The following PCDHA11 variants were observed in gnomAD, a reference collection of about 807,000 sequenced individuals.
PCDHA11 encodes the protein protocadherin alpha-11.
A neutral mutation model predicts 70.3 loss-of-function variants in PCDHA11; 61 were observed. The observed-to-expected ratio is 0.87, with a 90% confidence interval of 0.71 to 1.07. The LOEUF is 1.07. Among genes scored for constraint, PCDHA11 ranks in the 50% least tolerant of loss-of-function variants. The pLI is 0.00. For missense variants in PCDHA11, 1,324 were observed against 1,237.5 expected (o/e 1.07, Z -1.05); for synonymous variants, 633 against 555.1 (o/e 1.14, Z -1.97).
At chr5:140,984,597 T>TA (rs1554246418) in intron 3 of PCDHA11, among the ~76,000 whole-genome samples, 1 of 152,182 alleles carries the variant, frequency 6.6e-6, no homozygotes, top group East Asian at 1.9e-4. Flanking sequence ...TTTCAATACA[T>TA]ACCTCTGCAT....
chr5:140,985,007 G>A (rs1349447884), intron 3 of PCDHA11, among the ~76,000 whole-genome samples: 2 of 151,706 alleles, frequency 1.3e-5, no homozygotes, highest in African/African-American at 4.8e-5. Flanking sequence ...GCACGATATC[G>A]GCTCACAGCA....
chr5:140,942,713 T>C (rs2093359728), intron 1 of PCDHA11, among the ~76,000 whole-genome samples: 2 of 152,208 alleles, frequency 1.3e-5, no homozygotes, highest in Non-Finnish European at 1.5e-5. Flanking sequence ...AGTAAAAGTA[T>C]GAAATTTTGT....
intron 1 of PCDHA11, among the ~76,000 whole-genome samples, chr5:140,900,751 G>A (rs781973754): frequency 1.3e-5 from 2 of 152,060 alleles, no homozygotes; most frequent in African/African-American, 2.4e-5. Context: ...GGATCACTTG[G>A]TAGCTCTATT....
intron 3 of PCDHA11, among the ~76,000 whole-genome samples, chr5:140,993,092 G>A (rs1441562927): frequency 6.6e-6 from 1 of 152,222 alleles, no homozygotes; most frequent in East Asian, 1.9e-4. Flanking sequence ...GCAGGGCTAT[G>A]TTTATTCAGC....
At chr5:140,967,547 A>G (rs1554229662) in intron 1 of PCDHA11, 1 of 1,613,890 alleles carries the variant, frequency 6.2e-7, no homozygotes, top group Non-Finnish European at 8.5e-7. Context: ...TGACCAGTCC[A>G]CTTATCGCGT....
At chr5:141,007,227 A>G (rs1458505596) in intron 3 of PCDHA11, among the ~76,000 whole-genome samples, 1 of 151,972 alleles carries the variant, frequency 6.6e-6, no homozygotes, top group Non-Finnish European at 1.5e-5. Flanking sequence ...CAAAATAAGA[A>G]GGATTGTTGA....
chr5:140,933,653 GTCTC>G (rs1245688430), intron 1 of PCDHA11, among the ~76,000 whole-genome samples: 3 of 151,982 alleles, frequency 2.0e-5, no homozygotes, highest in East Asian at 1.9e-4. Context: ...TGGAAATCCT[GTCTC>G]TCTCTCTGTC....
chr5:140,987,858 T>C (rs1203158352), intron 3 of PCDHA11, among the ~76,000 whole-genome samples: 1 of 152,142 alleles, frequency 6.6e-6, no homozygotes, highest in African/African-American at 2.4e-5. Context: ...CCACATCTCT[T>C]TACTCTGTGG....
chr5:140,900,840 T>C (rs6874218), intron 1 of PCDHA11, among the ~76,000 whole-genome samples: 1 of 151,950 alleles, frequency 6.6e-6, no homozygotes, highest in Admixed American at 6.6e-5. Flanking sequence ...ATGTACAAAG[T>C]TTCCCTTTTT....
intron 1 of PCDHA11, chr5:140,967,575 C>T: frequency 6.2e-7 from 1 of 1,614,156 alleles, no homozygotes. Context: ...CGGGAGGACT[C>T]ACCCCCAGGC....
At chr5:141,001,723 A>G (rs936645287) in intron 3 of PCDHA11, among the ~76,000 whole-genome samples, 22 of 152,286 alleles carry the variant, frequency 1.4e-4, no homozygotes, top group African/African-American at 4.8e-4. Context: ...GGAGCTTGAG[A>G]TATTTTACAA....
chr5:140,905,304 C>T (rs1373391378), intron 1 of PCDHA11, among the ~76,000 whole-genome samples: 1 of 152,150 alleles, frequency 6.6e-6, no homozygotes, highest in Non-Finnish European at 1.5e-5. Flanking sequence ...GTCCTTTCCA[C>T]ACTTTGTGTT....
At position 141,010,692 on chromosome 5, in the gene PCDHA11, G is replaced by A. The variant is rs1415098319; in HGVS notation, c.*755G>A. The A allele has an allele frequency of 1.9e-5, 3 of 159,998 alleles. No homozygotes were observed. The highest frequency in any genetic ancestry group is 7.2e-5 in the African/African-American group (3 of 41,584). 9.9% of individuals were successfully genotyped at this position (159,998 alleles called of 1,614,324 possible). On this transcript the variant is annotated 3_prime_UTR_variant, in exon 4 of 4. Coordinates refer to ENST00000398640, the MANE Select transcript of PCDHA11 (RefSeq NM_018902.5). ...TGGGAAACAGAAGCAGATCTGATGT[G>A]TTTCCTATACATGTCCTGTGCTCAC...
intron 1 of PCDHA11, among the ~76,000 whole-genome samples, chr5:140,960,254 C>T (rs2095534958): frequency 6.6e-6 from 1 of 152,138 alleles, no homozygotes; most frequent in South Asian, 2.1e-4. Flanking sequence ...CTTCCTGGAG[C>T]TTCTGATAAA....
chr5:140,967,985 A>G, intron 1 of PCDHA11: 3 of 1,614,218 alleles, frequency 1.9e-6, no homozygotes, highest in East Asian at 4.5e-5. Flanking sequence ...TCTGGAGGCC[A>G]CACTGCCTTT....
At chr5:140,942,147 T>C (rs2093240437) in intron 1 of PCDHA11, among the ~76,000 whole-genome samples, 1 of 152,236 alleles carries the variant, frequency 6.6e-6, no homozygotes, top group Non-Finnish European at 1.5e-5. Flanking sequence ...TTACTTGACA[T>C]AAAACAGCTT....
In PCDHA11 at chr5:140,974,947, C is replaced by T. The variant is rs145175873; in HGVS notation, c.2392-4002C>T. On this transcript the variant is annotated intron_variant, in intron 1 of 3. Coordinates refer to ENST00000398640, the MANE Select transcript of PCDHA11 (RefSeq NM_018902.5). ...GTTTAAAACACCACCTATTTGTTAT[C>T]TCACAGTCCTGTACCATGTGGCTGA... is the stretch of plus-strand genomic sequence containing the variant. 2.7e-3 allele frequency among the ~76,000 whole-genome samples: 417 copies of T among 152,322 alleles called. 3 individuals carry two copies. The highest frequency in any genetic ancestry group is 2.1e-3 in the Non-Finnish European group (142 of 68,022).
intron 1 of PCDHA11, among the ~76,000 whole-genome samples, chr5:140,890,478 G>A (rs1358799219): frequency 1.3e-5 from 2 of 151,984 alleles, no homozygotes; most frequent in Non-Finnish European, 2.9e-5. Flanking sequence ...TTTTTTGTGC[G>A]TTATTTTTGT....
At chr5:140,923,020 G>A (rs946669637) in intron 1 of PCDHA11, among the ~76,000 whole-genome samples, 6 of 152,228 alleles carry the variant, frequency 3.9e-5, no homozygotes, top group Admixed American at 1.3e-4. Context: ...CTGCAGTTTC[G>A]GACTCTATTA....
Sources: allele counts gnomAD v4.1 joint callset (sites outside exome capture counted in the v4.1 genomes callset), GRCh38; gene constraint gnomAD v4.1.1; transcripts MANE v1.5; gene names NCBI Gene and HGNC (gene_info 2026-07-23, HGNC 2026-07-21).